The following DLGAP1 variants were observed in gnomAD, a reference collection of about 807,000 sequenced individuals.
DLGAP1 encodes the protein DLG associated protein 1, also known as disks large-associated protein 1.
In DLGAP1, 11 loss-of-function variants were observed where a neutral mutation model predicts 90.8. The ratio of observed to expected loss-of-function variants is 0.12; its 90% CI spans 0.08 to 0.20. DLGAP1 has a LOEUF of 0.20. DLGAP1 is among the 10% of genes least tolerant of loss of function. The probability of loss-of-function intolerance (pLI) is 1.00; values close to 1 mark genes in which losing one functional copy is unlikely to be tolerated. For missense variants in DLGAP1, 1,050 were observed against 1,333.8 expected (o/e 0.79, Z 3.31); for synonymous variants, 558 against 540.7 (o/e 1.03, Z -0.44).
intron 4 of DLGAP1, among the ~76,000 whole-genome samples, chr18:3,838,017 A>G (rs899786938): frequency 9.9e-5 from 15 of 151,902 alleles, no homozygotes; most frequent in African/African-American, 3.4e-4. Context: ...TAAAAAAAAT[A>G]TAGATTGGGA....
chr18:3,707,261 T>C (rs78633702), intron 7 of DLGAP1, among the ~76,000 whole-genome samples: 2,163 of 152,212 alleles, frequency 0.014, 53 homozygotes, highest in African/African-American at 0.048. Flanking sequence ...ATCTCTATCT[T>C]TGGAAGAGAA....
chr18:3,806,738 T>C (rs2066580610), intron 5 of DLGAP1, among the ~76,000 whole-genome samples: 1 of 152,208 alleles, frequency 6.6e-6, no homozygotes, highest in African/African-American at 2.4e-5. Context: ...GTGGGCAGCA[T>C]CTCTGATCAG....
chr18:4,279,067 G>A (rs535270178), intron 1 of DLGAP1, among the ~76,000 whole-genome samples: 25 of 152,214 alleles, frequency 1.6e-4, no homozygotes, highest in Non-Finnish European at 3.4e-4. Context: ...GCAGCCTTCT[G>A]CAAAGGCAAT....
chr18:4,199,039 A>C (rs2077558168), intron 1 of DLGAP1, among the ~76,000 whole-genome samples: 1 of 152,222 alleles, frequency 6.6e-6, no homozygotes, highest in Non-Finnish European at 1.5e-5. Flanking sequence ...GTGTGGTTTT[A>C]CAAGAAGGAG....
At chr18:3,842,332 A>G (rs913901895) in intron 4 of DLGAP1, among the ~76,000 whole-genome samples, 2 of 152,188 alleles carry the variant, frequency 1.3e-5, no homozygotes, top group Admixed American at 1.3e-4. Context: ...GTCATGTTTA[A>G]AAGTTTGGAC....
intron 7 of DLGAP1, among the ~76,000 whole-genome samples, chr18:3,583,164 A>ACCTT (rs1555688508): frequency 2.1e-4 from 27 of 127,366 alleles, no homozygotes; most frequent in African/African-American, 6.7e-4. Flanking sequence ...CTACCTACCT[A>ACCTT]CCTACCTACC....
chr18:3,617,997 A>G (rs543129664), intron 7 of DLGAP1, among the ~76,000 whole-genome samples: 7 of 152,318 alleles, frequency 4.6e-5, no homozygotes, highest in Non-Finnish European at 8.8e-5. Context: ...AGATCGTGCC[A>G]TTGCCCTCCA....
At chr18:4,292,851 A>G (rs1336529839) in intron 1 of DLGAP1, among the ~76,000 whole-genome samples, 1 of 152,196 alleles carries the variant, frequency 6.6e-6, no homozygotes, top group Non-Finnish European at 1.5e-5. Flanking sequence ...GAAGCTGAAT[A>G]CAAAATCAGT....
chr18:3,978,271 T>C, intron 3 of DLGAP1: 1 of 404,742 alleles, frequency 2.5e-6, no homozygotes, highest in Non-Finnish European at 4.8e-6. Flanking sequence ...ACCCTTTTGG[T>C]ACCCCCTGCA....
At chr18:3,881,120 C>CT (rs2071156139) in intron 3 of DLGAP1, among the ~76,000 whole-genome samples, 5 of 132,882 alleles carry the variant, frequency 3.8e-5, no homozygotes, top group Admixed American at 7.6e-5. Context: ...TTTTCTTTTT[C>CT]TTTTCTTTTT....
At chr18:4,292,246 CA>C (rs988876878) in intron 1 of DLGAP1, among the ~76,000 whole-genome samples, 1 of 151,822 alleles carries the variant, frequency 6.6e-6, no homozygotes, top group Non-Finnish European at 1.5e-5. Context: ...AATCTGTTTA[CA>C]AAAAAATTCC....
intron 1 of DLGAP1, among the ~76,000 whole-genome samples, chr18:4,206,808 C>G (rs995485172): frequency 6.6e-6 from 1 of 152,134 alleles, no homozygotes; most frequent in South Asian, 2.1e-4. Context: ...AGAAAGCCAT[C>G]CCCATTCATT....
chr18:3,990,642 T>A (rs1392094754), intron 3 of DLGAP1, among the ~76,000 whole-genome samples: 5 of 147,598 alleles, frequency 3.4e-5, no homozygotes, highest in Middle Eastern at 3.6e-3. Flanking sequence ...ATAATAATAA[T>A]AATAATAATA....
intron 2 of DLGAP1, among the ~76,000 whole-genome samples, chr18:4,056,154 G>A (rs1277574453): frequency 6.6e-6 from 1 of 152,130 alleles, no homozygotes; most frequent in African/African-American, 2.4e-5. Flanking sequence ...AAGGGGGCAG[G>A]AGAAGGCCGT....
chr18:3,645,814 T>C (rs1008058398), intron 7 of DLGAP1, among the ~76,000 whole-genome samples: 2 of 152,234 alleles, frequency 1.3e-5, no homozygotes, highest in East Asian at 1.9e-4. Flanking sequence ...TGGCCTGGGA[T>C]AGGGCATGAA....
In DLGAP1 at chr18:3,846,043, GGTGTGTGTGT is replaced by G. The variant is rs35460885; in HGVS notation, c.958-31780_958-31771del. Among the ~76,000 whole-genome samples the G allele has an allele frequency of 2.6e-4, 38 of 145,128 alleles. 1 individual carries two copies. In the South Asian group the frequency reaches 2.9e-3, roughly 11 times the overall value. Reference sequence around the variant, plus strand: ...TCCCAGAAAATCTTATTGAAAGTGTGGTGTGTGTGTGTGTGTGTGTGTGTGTGTGTGTGTG... The same window carrying G: ...TCCCAGAAAATCTTATTGAAAGTGTGGTGTGTGTGTGTGTGTGTGTGTGTG... On this transcript the variant is annotated intron_variant, in intron 4 of 12. Coordinates refer to ENST00000315677, the MANE Select transcript of DLGAP1 (RefSeq NM_004746.4).
chr18:4,332,437 TA>T (rs2080973190), intron 1 of DLGAP1, among the ~76,000 whole-genome samples: 1 of 151,734 alleles, frequency 6.6e-6, no homozygotes, highest in South Asian at 2.1e-4. Flanking sequence ...GGTTTTTTTT[TA>T]AAAAGCAAAC....
chr18:3,641,249 T>C (rs975737812), intron 7 of DLGAP1, among the ~76,000 whole-genome samples: 3 of 151,718 alleles, frequency 2.0e-5, no homozygotes, highest in African/African-American at 7.2e-5. Flanking sequence ...AGTCATTCCA[T>C]TGAAAATAAG....
intron 7 of DLGAP1, among the ~76,000 whole-genome samples, chr18:3,668,173 G>T (rs1316685098): frequency 6.6e-6 from 1 of 152,172 alleles, no homozygotes; most frequent in East Asian, 1.9e-4. Flanking sequence ...GCCCCAAATT[G>T]TAAGTGCCCC....
Sources: gnomAD v4.1 joint callset for allele counts (sites outside exome capture counted in the v4.1 genomes callset) on GRCh38, gnomAD v4.1.1 for gene constraint, MANE v1.5 for transcripts, NCBI Gene and HGNC (gene_info 2026-07-23, HGNC 2026-07-21) for gene names.